MAGI1: variants seen among roughly 807,000 people sequenced by gnomAD.
MAGI1 encodes the protein membrane associated guanylate kinase, WW and PDZ domain containing 1.
Under a neutral mutation model 139.9 loss-of-function variants are expected in MAGI1, and 58 were observed. The ratio of observed to expected loss-of-function variants is 0.41; its 90% CI spans 0.34 to 0.52. The LOEUF (loss-of-function observed/expected upper bound fraction) is 0.52, where lower values mean the gene tolerates loss of function less well. Ranked by LOEUF, MAGI1 falls within the 20% of genes least tolerant of loss-of-function variation. The probability of loss-of-function intolerance (pLI) is 0.12; values close to 1 mark genes in which losing one functional copy is unlikely to be tolerated. For missense variants in MAGI1, 1,874 were observed against 1,901.6 expected (o/e 0.99, Z 0.27); for synonymous variants, 812 against 737.9 (o/e 1.10, Z -1.63).
intron 1 of MAGI1, among the ~76,000 whole-genome samples, chr3:65,807,582 CT>C (rs1476450093): frequency 6.6e-6 from 1 of 152,128 alleles, no homozygotes; most frequent in Non-Finnish European, 1.5e-5. Flanking sequence ...ATAATTTTAA[CT>C]AACATGCTAT....
intron 1 of MAGI1, among the ~76,000 whole-genome samples, chr3:65,837,294 C>G (rs1293360533): frequency 1.3e-5 from 2 of 152,188 alleles, no homozygotes; most frequent in Non-Finnish European, 2.9e-5. Context: ...GTCATTTCTA[C>G]AGCAGCTGTC....
chr3:65,431,476 T>A (rs1463721340), intron 10 of MAGI1, among the ~76,000 whole-genome samples: 1 of 152,162 alleles, frequency 6.6e-6, no homozygotes, highest in Non-Finnish European at 1.5e-5. Context: ...AACTGATTTT[T>A]TCCTATTTAT....
intron 1 of MAGI1, among the ~76,000 whole-genome samples, chr3:65,985,784 G>A (rs1029405040): frequency 1.3e-5 from 2 of 152,170 alleles, no homozygotes; most frequent in Non-Finnish European, 2.9e-5. Context: ...GACCCAGTTT[G>A]GCTCACATTT....
intron 16 of MAGI1, 84 bp downstream of exon 16, chr3:65,381,793 C>T: frequency 2.3e-6 from 3 of 1,280,846 alleles, no homozygotes; most frequent in Non-Finnish European, 3.2e-6. Flanking sequence ...AAAATAGACG[C>T]TCAAGGAGGC....
At chr3:65,870,717 A>G (rs1257969035) in intron 1 of MAGI1, among the ~76,000 whole-genome samples, 3 of 115,774 alleles carry the variant, frequency 2.6e-5, no homozygotes, top group South Asian at 4.7e-4. Flanking sequence ...CATTTTAGTG[A>G]AAAAAAAAAA....
intron 5 of MAGI1, among the ~76,000 whole-genome samples, chr3:65,454,190 T>G (rs1949227610): frequency 6.6e-6 from 1 of 152,092 alleles, no homozygotes. Flanking sequence ...GCTAAGTGGG[T>G]GGGGCAAACA....
intron 1 of MAGI1, among the ~76,000 whole-genome samples, chr3:66,027,847 C>CCGGGCCTCTACTCTCTAGATGCCAGAAG (rs1177469332): frequency 2.6e-5 from 4 of 152,080 alleles, no homozygotes; most frequent in Non-Finnish European, 5.9e-5. Flanking sequence ...CAGCAGGGTC[C>CCGGGCCTCTACTCTCTAGATGCCAGAAG]CGGGCCTCTA....
At chr3:65,420,530 G>A (rs925068902) in intron 12 of MAGI1, among the ~76,000 whole-genome samples, 7 of 152,110 alleles carry the variant, frequency 4.6e-5, no homozygotes, top group African/African-American at 1.7e-4. Flanking sequence ...ATGAAATCAG[G>A]AGCCTGTTTG....
chr3:65,803,786 G>A (rs1471072221), intron 1 of MAGI1, among the ~76,000 whole-genome samples: 1 of 152,114 alleles, frequency 6.6e-6, no homozygotes, highest in Non-Finnish European at 1.5e-5. Flanking sequence ...ACTTACAAGT[G>A]AGAACATGCA....
Position 65,356,572 on chromosome 3 carries a change from T to C in MAGI1, c.4195A>G (p.Thr1399Ala), listed in dbSNP as rs1364635118. 1.2e-6 allele frequency: 2 copies of C among 1,606,752 alleles called. No individual in the cohort carries two copies. The highest frequency in any genetic ancestry group is 1.7e-6 in the Non-Finnish European group (2 of 1,178,654). Residue 1399 changes from threonine (T) to alanine (A), a missense_variant, in exon 23 of 23, where the codon ACC becomes GCC. Coordinates refer to ENST00000402939, the MANE Select transcript of MAGI1 (RefSeq NM_001033057.2). ...GGSPERRAKS[T>A]DRRRARSPER... ...GGGGAGCGTGCGCGCCTCCGGTCGG[T>C]GGACTTGGCCCTGCGCTCGGGCGAG...
chr3:65,542,300 C>T (rs909817989), intron 2 of MAGI1, among the ~76,000 whole-genome samples: 1 of 152,192 alleles, frequency 6.6e-6, no homozygotes, highest in Admixed American at 6.5e-5. Flanking sequence ...ACATTCCATG[C>T]TCATGGATAG....
chr3:65,457,730 A>G (rs1333803773), intron 5 of MAGI1, among the ~76,000 whole-genome samples: 1 of 152,186 alleles, frequency 6.6e-6, no homozygotes, highest in East Asian at 1.9e-4. Flanking sequence ...CAGACATACA[A>G]TGTGTAATGA....
intron 1 of MAGI1, chr3:65,914,045 C>T (rs1457671086): frequency 1.3e-5 from 2 of 152,170 alleles, no homozygotes; most frequent in Non-Finnish European, 2.9e-5. Flanking sequence ...GCTTTCTCCC[C>T]TAATGCTTAT....
At chr3:65,630,114 T>G (rs1388297460) in intron 1 of MAGI1, among the ~76,000 whole-genome samples, 1 of 152,184 alleles carries the variant, frequency 6.6e-6, no homozygotes, top group Non-Finnish European at 1.5e-5. Flanking sequence ...ACATGCACAC[T>G]TATAATACAC....
intron 1 of MAGI1, among the ~76,000 whole-genome samples, chr3:65,991,786 G>C (rs1030129731): frequency 6.6e-6 from 1 of 152,120 alleles, no homozygotes; most frequent in African/African-American, 2.4e-5. Context: ...AGGCCGAGGT[G>C]GGTGGATCAC....
intron 1 of MAGI1, among the ~76,000 whole-genome samples, chr3:65,883,150 T>C (rs552729729): frequency 5.5e-4 from 84 of 152,196 alleles, no homozygotes; most frequent in Middle Eastern, 3.4e-3. Flanking sequence ...GGTCTGGCAA[T>C]ACCACAGCCA....
At chr3:65,932,154 T>C (rs972988636) in intron 1 of MAGI1, among the ~76,000 whole-genome samples, 7 of 152,228 alleles carry the variant, frequency 4.6e-5, no homozygotes, top group Admixed American at 2.6e-4. Context: ...ACAGAATGCC[T>C]TGAACTTGCA....
chr3:65,788,000 A>G (rs1371583638), intron 1 of MAGI1, among the ~76,000 whole-genome samples: 1 of 152,200 alleles, frequency 6.6e-6, no homozygotes, highest in African/African-American at 2.4e-5. Context: ...CATCCCTGCA[A>G]TGGCCTGCAA....
intron 13 of MAGI1, 68 bp downstream of exon 13, chr3:65,401,371 C>CT: frequency 6.4e-5 from 76 of 1,184,516 alleles, no homozygotes; most frequent in South Asian, 2.1e-4. Flanking sequence ...ACAGAGTACC[C>CT]TCCCACCTCC....
Sources: allele counts gnomAD v4.1 joint callset (sites outside exome capture counted in the v4.1 genomes callset), GRCh38; gene constraint gnomAD v4.1.1; transcripts MANE v1.5; gene names NCBI Gene and HGNC (gene_info 2026-07-23, HGNC 2026-07-21).